OR3A2: variants seen among roughly 807,000 people sequenced by gnomAD.
OR3A2 encodes the protein olfactory receptor family 3 subfamily A member 2, also known as olfactory receptor 3A2.
For missense variants in OR3A2, 318 were observed against 392.8 expected (o/e 0.81, Z 1.61); for synonymous variants, 126 against 159.3 (o/e 0.79, Z 1.57).
chr17:3,315,761 G>A (rs1021959927), intron 3 of OR3A2, among the ~76,000 whole-genome samples: 2,351 of 89,256 alleles, frequency 0.026, 104 homozygotes, highest in African/African-American at 0.12. Context: ...TGGGGGGGGG[G>A]GCGGTAGTAA....
intron 3 of OR3A2, among the ~76,000 whole-genome samples, chr17:3,329,616 G>T: frequency 7.2e-6 from 1 of 139,534 alleles, no homozygotes. Context: ...TTCTTTATTA[G>T]TCTTGCTAGC....
At chr17:3,310,221 C>G in intron 3 of OR3A2, 1 of 453,556 alleles carries the variant, frequency 2.2e-6, no homozygotes, top group Non-Finnish European at 4.5e-6. Flanking sequence ...ATCAAGATCT[C>G]ATTGATGATT....
chr17:3,290,150 T>C (rs1482578821), intron 3 of OR3A2, among the ~76,000 whole-genome samples: 2 of 152,192 alleles, frequency 1.3e-5, no homozygotes, highest in African/African-American at 4.8e-5. Context: ...AATCACTTCC[T>C]TCTTAGTAGA....
chr17:3,317,505 T>C (rs1178188507), intron 3 of OR3A2, among the ~76,000 whole-genome samples: 4 of 152,170 alleles, frequency 2.6e-5, no homozygotes, highest in Admixed American at 1.3e-4. Context: ...CAAGTGAACA[T>C]AGCATTGGAG....
chr17:3,362,629 G>A (rs947799302), intron 2 of OR3A2, among the ~76,000 whole-genome samples: 4 of 151,488 alleles, frequency 2.6e-5, no homozygotes, highest in African/African-American at 7.3e-5. Flanking sequence ...CTTTGTTCTC[G>A]TTGGTTTCAA....
chr17:3,351,933 A>G (rs1331349690), intron 2 of OR3A2, among the ~76,000 whole-genome samples: 1 of 152,168 alleles, frequency 6.6e-6, no homozygotes, highest in East Asian at 1.9e-4. Context: ...GCAATGGGGA[A>G]AGGATTCCCT....
chr17:3,381,115 CATAT>C (rs1322040646), intron 2 of OR3A2, among the ~76,000 whole-genome samples: 1 of 151,716 alleles, frequency 6.6e-6, no homozygotes, highest in Non-Finnish European at 1.5e-5. Flanking sequence ...TGTATGTGCC[CATAT>C]ATTCATATAT....
intron 2 of OR3A2, among the ~76,000 whole-genome samples, chr17:3,341,436 G>A (rs568666326): frequency 6.6e-6 from 1 of 152,254 alleles, no homozygotes; most frequent in African/African-American, 2.4e-5. Context: ...GTTTCCTTCA[G>A]GAGCTCTTGT....
At chr17:3,371,040 T>C (rs906624476) in intron 2 of OR3A2, among the ~76,000 whole-genome samples, 3 of 152,054 alleles carry the variant, frequency 2.0e-5, no homozygotes, top group Non-Finnish European at 2.9e-5. Context: ...ACGGCAACCA[T>C]CCGATTTCTC....
At chr17:3,278,414 C>T (rs767184057) in exon 2 of OR3A2, 7 of 1,614,064 alleles carry the variant, frequency 4.3e-6, no homozygotes, top group East Asian at 2.2e-5. Context: ...AGAAGTTGAG[C>T]GTGGACATGG....
At chr17:3,361,493 A>C (rs1192123306) in intron 2 of OR3A2, among the ~76,000 whole-genome samples, 1 of 151,654 alleles carries the variant, frequency 6.6e-6, no homozygotes, top group Non-Finnish European at 1.5e-5. Context: ...GTCTTGTGCC[A>C]GTTTTCAAAG....
intron 1 of OR3A2, among the ~76,000 whole-genome samples, chr17:3,281,390 C>T (rs1032959007): frequency 3.3e-5 from 5 of 152,050 alleles, no homozygotes; most frequent in East Asian, 1.9e-4. Flanking sequence ...TGCACCACCA[C>T]GCCCAGCTAA....
chr17:3,282,464 G>A lies in OR3A2; in HGVS notation c.-7+1894C>T, dbSNP rs1483134091. On this transcript the variant is annotated intron_variant, in intron 1 of 1. Transcript: ENST00000642052. ...TGACCCGCAGTTTCATGTGGATAACGTGCATCTCACTGGAGTCTCTACAGC... is the reference window on the plus strand; with the variant it reads ...TGACCCGCAGTTTCATGTGGATAACATGCATCTCACTGGAGTCTCTACAGC... Among the ~76,000 whole-genome samples the A allele has an allele frequency of 1.2e-4, 19 of 152,220 alleles. No homozygotes were observed. In the East Asian group the frequency reaches 3.7e-3, roughly 29 times the overall value.
intron 2 of OR3A2, among the ~76,000 whole-genome samples, chr17:3,354,930 T>C (rs2150655954): frequency 6.6e-6 from 1 of 151,468 alleles, no homozygotes; most frequent in South Asian, 2.1e-4. Context: ...GCTTTTGCTC[T>C]ATCCCATAGG....
At chr17:3,281,302 C>T (rs9912668) in intron 1 of OR3A2, among the ~76,000 whole-genome samples, 34,847 of 150,156 alleles carry the variant, frequency 0.23, 4,477 homozygotes, top group South Asian at 0.32. Context: ...GGCACGATCT[C>T]GGCTCACTGC....
intron 3 of OR3A2, among the ~76,000 whole-genome samples, chr17:3,301,215 G>A (rs2048963238): frequency 1.3e-5 from 2 of 152,296 alleles, no homozygotes; most frequent in African/African-American, 4.8e-5. Context: ...CCAGTAATGG[G>A]ATTGCTGGGT....
At chr17:3,289,425 C>T (rs997930630) in intron 3 of OR3A2, among the ~76,000 whole-genome samples, 12 of 152,234 alleles carry the variant, frequency 7.9e-5, no homozygotes, top group African/African-American at 2.9e-4. Context: ...ATGCTGGACC[C>T]AGTGGCTCCA....
chr17:3,336,932 C>A lies in OR3A2; in HGVS notation c.-178-806G>T, dbSNP rs367867811. Among the ~76,000 whole-genome samples, 7 of 152,298 alleles carry A rather than the reference C, an allele frequency of 4.6e-5. No homozygotes were observed. In the South Asian group the frequency reaches 8.3e-4, roughly 18 times the overall value. Reference sequence around the variant, plus strand: ...TCCTCTTCAGAAAGACCAGTTCTTCCACCCCTTTGACTGTGTTCTCCATCT... The same window carrying A: ...TCCTCTTCAGAAAGACCAGTTCTTCAACCCCTTTGACTGTGTTCTCCATCT... On this transcript the variant is annotated intron_variant, in intron 2 of 4. Coordinates refer to the OR3A2 transcript ENST00000573491.
chr17:3,279,073 T>C lies in OR3A2; in HGVS notation c.-6-150A>G. The C allele has an allele frequency of 7.4e-7, 1 of 1,351,118 alleles. No individual in the cohort carries two copies. The highest frequency in any genetic ancestry group is 1.5e-5 in the South Asian group (1 of 66,804). 83.7% of individuals were successfully genotyped at this position (1,351,118 alleles called of 1,614,324 possible). On this transcript the variant is annotated intron_variant, in intron 1 of 1. Coordinates refer to ENST00000642052, the Ensembl canonical transcript of OR3A2. ...ACCTCCTCCATCACCTCAATGCCTT[T>C]ACCTTGCTCTTGGTTGACATGCCCA... is the stretch of plus-strand genomic sequence containing the variant.
Sources: allele counts gnomAD v4.1 joint callset (sites outside exome capture counted in the v4.1 genomes callset), GRCh38; gene constraint gnomAD v4.1.1; transcripts MANE v1.5; gene names NCBI Gene and HGNC (gene_info 2026-07-23, HGNC 2026-07-21).